Variants in RIC1 observed in about 807,000 individuals in gnomAD.
RIC1 encodes guanine nucleotide exchange factor subunit RIC1.
In RIC1, 88 loss-of-function variants were observed where a neutral mutation model predicts 169.0. The observed-to-expected ratio is 0.52, with a 90% CI of 0.44 to 0.62. RIC1 has a LOEUF of 0.62. Among genes scored for constraint, RIC1 ranks in the 20% least tolerant of loss-of-function variants. RIC1 has a pLI of 0.00. For missense variants in RIC1, 1,877 were observed against 1,725.5 expected (o/e 1.09, Z -1.56); for synonymous variants, 790 against 601.5 (o/e 1.31, Z -4.59).
At chr9:5,770,315 T>G (rs779052610) in intron 23 of RIC1, 37 bp downstream of exon 23, 4 of 1,549,864 alleles carry the variant, frequency 2.6e-6, no homozygotes, top group Admixed American at 1.8e-5. Flanking sequence ...TTCAGTTCCT[T>G]TGAAGAAAAT....
At chr9:5,678,557 A>G (rs199963302) in intron 2 of RIC1, among the ~76,000 whole-genome samples, 2 of 151,998 alleles carry the variant, frequency 1.3e-5, no homozygotes, top group South Asian at 4.2e-4. Flanking sequence ...GTGTGAGATG[A>G]TATCTCATAG....
At chr9:5,739,958 TTGTCTC>T (rs1490211942) in intron 8 of RIC1, among the ~76,000 whole-genome samples, 1 of 152,172 alleles carries the variant, frequency 6.6e-6, no homozygotes, top group East Asian at 1.9e-4. Flanking sequence ...TGATAAGAGT[TTGTCTC>T]TGTGTTTCCA....
intron 7 of RIC1, among the ~76,000 whole-genome samples, chr9:5,735,732 C>T (rs1169637561): frequency 1.3e-5 from 2 of 152,158 alleles, no homozygotes; most frequent in African/African-American, 2.4e-5. Context: ...TTTTAGGATG[C>T]CAGTTTGCAG....
intron 1 of RIC1, among the ~76,000 whole-genome samples, chr9:5,636,436 C>G (rs1817975213): frequency 6.6e-6 from 1 of 152,136 alleles, no homozygotes; most frequent in Non-Finnish European, 1.5e-5. Flanking sequence ...TCTCCTGCCC[C>G]AGCCTCCTGA....
At chr9:5,698,570 T>C (rs1175340989) in intron 3 of RIC1, among the ~76,000 whole-genome samples, 2 of 152,216 alleles carry the variant, frequency 1.3e-5, no homozygotes, top group African/African-American at 4.8e-5. Context: ...TTGTGATATT[T>C]TTCTTAGACT....
At chr9:5,751,083 T>A (rs530261034) in intron 12 of RIC1, among the ~76,000 whole-genome samples, 1 of 151,912 alleles carries the variant, frequency 6.6e-6, no homozygotes, top group South Asian at 2.1e-4. Flanking sequence ...AGAAACTCTT[T>A]GTGTTAGAAT....
intron 16 of RIC1, 68 bp from the exon 17 acceptor site, chr9:5,757,244 CT>C: frequency 6.6e-7 from 1 of 1,517,696 alleles, no homozygotes; most frequent in East Asian, 2.3e-5. Context: ...AATACTATTA[CT>C]AGTGGAAAAG....
At chr9:5,701,026 TTTCCC>T (rs1479661455) in intron 3 of RIC1, among the ~76,000 whole-genome samples, 6 of 152,204 alleles carry the variant, frequency 3.9e-5, no homozygotes. Context: ...TGGTGTTTAA[TTTCCC>T]TTCATGTTTC....
At chr9:5,631,083 C>G (rs777094557) in intron 1 of RIC1, among the ~76,000 whole-genome samples, 25 of 152,138 alleles carry the variant, frequency 1.6e-4, no homozygotes, top group Non-Finnish European at 2.9e-4. Flanking sequence ...AGCCTGTAAA[C>G]CACTTTATTC....
chr9:5,737,376 C>G (rs1824779838), intron 7 of RIC1, among the ~76,000 whole-genome samples: 3 of 152,038 alleles, frequency 2.0e-5, no homozygotes, highest in Admixed American at 1.3e-4. Context: ...TTATAAATTA[C>G]CATCCAACAT....
chr9:5,766,248 C>T (rs1209269992), intron 21 of RIC1, among the ~76,000 whole-genome samples: 2 of 152,116 alleles, frequency 1.3e-5, no homozygotes, highest in Non-Finnish European at 2.9e-5. Context: ...CAACATGTTG[C>T]CCAGGCTAGT....
At chr9:5,684,241 C>T (rs1229994567) in intron 2 of RIC1, among the ~76,000 whole-genome samples, 1 of 115,080 alleles carries the variant, frequency 8.7e-6, no homozygotes, top group Non-Finnish European at 1.7e-5. Flanking sequence ...GAGCTGTAGA[C>T]TGGAGCTGTT....
intron 2 of RIC1, among the ~76,000 whole-genome samples, chr9:5,668,821 T>G (rs1290953372): frequency 6.6e-6 from 1 of 152,182 alleles, no homozygotes; most frequent in Non-Finnish European, 1.5e-5. Flanking sequence ...ATGGTCTCCT[T>G]TAGCTCATTG....
chr9:5,669,108 A>G (rs1480195031), intron 2 of RIC1, among the ~76,000 whole-genome samples: 4 of 152,016 alleles, frequency 2.6e-5, no homozygotes, highest in Non-Finnish European at 4.4e-5. Flanking sequence ...CTTTTTGCAT[A>G]GTATGTATTT....
chr9:5,738,780 G>A (rs1824893493), intron 8 of RIC1, among the ~76,000 whole-genome samples: 1 of 151,750 alleles, frequency 6.6e-6, no homozygotes, highest in Non-Finnish European at 1.5e-5. Flanking sequence ...AAATTAAGTG[G>A]GAATGCAGTA....
intron 1 of RIC1, among the ~76,000 whole-genome samples, chr9:5,650,600 A>G (rs1271273250): frequency 6.6e-6 from 1 of 151,932 alleles, no homozygotes; most frequent in Non-Finnish European, 1.5e-5. Context: ...AGTGTCAGGA[A>G]CATTGACACT....
chr9:5,773,923 T>C (rs777235871), intron 25 of RIC1, 35 bp from the exon 26 acceptor site: 8 of 1,526,642 alleles, frequency 5.2e-6, no homozygotes, highest in African/African-American at 2.8e-5. Flanking sequence ...TTTTGAATTA[T>C]GGCAGATGAG....
intron 6 of RIC1, among the ~76,000 whole-genome samples, chr9:5,722,337 A>AGAGAG: frequency 8.7e-6 from 1 of 115,422 alleles, no homozygotes; most frequent in South Asian, 3.0e-4. Context: ...CAAAAACTAT[A>AGAGAG]AGAGAGAGAG....
chr9:5,645,819 G>A (rs912607359), intron 1 of RIC1, among the ~76,000 whole-genome samples: 1 of 152,164 alleles, frequency 6.6e-6, no homozygotes, highest in Non-Finnish European at 1.5e-5. Context: ...CACATGGGCT[G>A]CTTTTACCTC....
Sources: allele counts gnomAD v4.1 joint callset (sites outside exome capture counted in the v4.1 genomes callset), GRCh38; gene constraint gnomAD v4.1.1; transcripts MANE v1.5; gene names NCBI Gene and HGNC (gene_info 2026-07-23, HGNC 2026-07-21).